Variants in OBSL1 observed in about 807,000 individuals in gnomAD.
OBSL1 encodes the protein obscurin-like protein 1.
Under a neutral mutation model 172.0 loss-of-function variants are expected in OBSL1, and 160 were observed. The ratio of observed to expected loss-of-function variants is 0.93; its 90% CI spans 0.82 to 1.06. The LOEUF (loss-of-function observed/expected upper bound fraction) is 1.06, where lower values mean the gene tolerates loss of function less well. Ranked by LOEUF, OBSL1 falls within the 50% of genes least tolerant of loss-of-function variation. The pLI, the probability that OBSL1 is intolerant of heterozygous loss-of-function variation, is 0.00. For synonymous variants in OBSL1, 1,200 were observed against 1,196.3 expected (o/e 1.00, Z -0.06); for missense variants, 2,681 against 2,715.4 (o/e 0.99, Z 0.28).
chr2:219,557,561 G>A lies in OBSL1; in HGVS notation c.3848C>T (p.Pro1283Leu), dbSNP rs1286799826. 1 of 1,551,616 alleles carries A rather than the reference G, an allele frequency of 6.4e-7. No individual in the cohort carries two copies. The highest frequency in any genetic ancestry group is 8.7e-7 in the Non-Finnish European group (1 of 1,147,672). Residue 1283 changes from proline (P) to leucine (L), a missense_variant, in exon 12 of 21, where the codon CCA becomes CTA. Pro to Leu is a moderately conservative substitution (Grantham distance 98, BLOSUM62 -3). Transcript: ENST00000404537. The part of the protein sequence containing the change: ...EAAQTRVRST[P>L]GGDLELVVHL... The stretch of plus-strand genomic sequence containing the variant: ...CACCACCAGCTCTAGGTCCCCGCCT[G>A]GGGTGCTCCGAACCCTCGTCTGGGC...
rs1282172941 is a variant in OBSL1 at position 219,558,376 on chromosome 2, C to T, written c.3310G>A (p.Glu1104Lys). 4.3e-6 allele frequency: 7 copies of T among 1,610,876 alleles called. No individual in the cohort carries two copies. Among genetic ancestry groups the T allele is most frequent in the Non-Finnish European group, 5.9e-6 (7 of 1,179,122 alleles). The change falls in exon 10 of 21, where the codon GAG becomes AAG. Residue 1104 changes from glutamate to lysine, a missense_variant. Around this residue, in one of 5 missense-constraint regions of OBSL1, gnomAD observed 1,765 missense variants for 1,748.3 expected, o/e 1.01. Transcript: ENST00000404537. ...GAPGRVELRC[E>K]VAPAGSQVRW... is the part of the protein sequence containing the mutation. Reference sequence around the variant, plus strand: ...ACCTGAGACCCAGCTGGGGCCACCTCACAGCGCAGCTCCACGCGCCCTGGA... The same window carrying T: ...ACCTGAGACCCAGCTGGGGCCACCTTACAGCGCAGCTCCACGCGCCCTGGA...
chr2:219,557,435 A>T lies in OBSL1; in HGVS notation c.3974T>A (p.Val1325Glu), dbSNP rs759293822. ...VQLEQAGARQ[V>E]LRVQGARSGD... ...GCTCCGTGCCCCCTGCACCCGCAGCACCTGCCTGGCCCCGGCCTGCTCCAG... is the reference window on the plus strand; with the variant it reads ...GCTCCGTGCCCCCTGCACCCGCAGCTCCTGCCTGGCCCCGGCCTGCTCCAG... Residue 1325 changes from valine to glutamate, a missense_variant, in exon 12 of 21, where the codon GTG becomes GAG. Val to Glu is a moderately radical substitution (Grantham distance 121). Coordinates refer to ENST00000404537, the MANE Select transcript of OBSL1 (RefSeq NM_015311.3). 35 of 1,548,138 alleles carry T rather than the reference A, an allele frequency of 2.3e-5. No individual in the cohort carries two copies. Among genetic ancestry groups the T allele is most frequent in the Non-Finnish European group, 3.0e-5 (34 of 1,146,896 alleles).
Position 219,566,936 on chromosome 2 carries a change from AC to A in OBSL1, c.2027del (p.Gly676ValfsTer43). The A allele has an allele frequency of 6.2e-7, 1 of 1,613,410 alleles. No individual in the cohort carries two copies. The highest frequency in any genetic ancestry group is 8.5e-7 in the Non-Finnish European group (1 of 1,179,758). ...CATGCAGGATGAGTCTGTGCTGCAG[AC>A]CCTTCTGCTCTATACGGTACCGCAG... ...GALRYRIEQK[G>X]LQHRLILHAV... On this transcript the variant is annotated frameshift_variant, in exon 5 of 21. Coordinates refer to ENST00000404537, the MANE Select transcript of OBSL1 (RefSeq NM_015311.3). LOFTEE classifies it high-confidence loss of function.
At chr2:219,560,701 C>T (rs1696398496) in intron 8 of OBSL1, among the ~76,000 whole-genome samples, 1 of 152,242 alleles carries the variant, frequency 6.6e-6, no homozygotes, top group African/African-American at 2.4e-5. Context: ...TCCACGGAGA[C>T]TCCTGCCTTG....
At chr2:219,553,484 T>C in intron 16 of OBSL1, 90 bp downstream of exon 16, 5 of 947,108 alleles carry the variant, frequency 5.3e-6, no homozygotes, top group Non-Finnish European at 8.4e-6. Flanking sequence ...GCCAGGCACA[T>C]CCGCTCAAGG....
chr2:219,554,111 C>T (rs1695832899), intron 15 of OBSL1: 1 of 403,554 alleles, frequency 2.5e-6, no homozygotes, highest in African/African-American at 2.0e-5. Flanking sequence ...GGGGCCCACA[C>T]TTAGGCGGGC....
downstream of OBSL1, chr2:219,549,498 G>A: frequency 1.6e-6 from 2 of 1,266,952 alleles, no homozygotes; most frequent in Non-Finnish European, 2.1e-6. Flanking sequence ...CGGAGCCCAT[G>A]CACCAGGGGC....
Position 219,552,923 on chromosome 2 carries a change from G to C in OBSL1, c.5091C>G (p.Thr1697=). The change falls in exon 17 of 21, where the codon ACC becomes ACG. Residue 1697 remains threonine (T), a synonymous_variant. Transcript: ENST00000404537. Reference sequence around the variant, plus strand: ...GGGCCGTCCCCACCGCGCAGCTGTAGGTCCCGGCGTCCGAGGGGCCGCAGC... The same window carrying C: ...GGGCCGTCCCCACCGCGCAGCTGTACGTCCCGGCGTCCGAGGGGCCGCAGC... ...LRRCGPSDAG[T]YSCAVGTARA... The C allele has an allele frequency of 1.3e-6, 2 of 1,538,134 alleles. No individual in the cohort carries two copies. The highest frequency in any genetic ancestry group is 2.4e-5 in the South Asian group (2 of 83,746).
downstream of OBSL1, chr2:219,549,009 A>G: frequency 1.2e-6 from 1 of 828,988 alleles, no homozygotes; most frequent in Non-Finnish European, 1.9e-6. Context: ...GAGACCAGGA[A>G]AGGAAGTGAC....
rs1025126502 is a variant in OBSL1 at position 219,567,129 on chromosome 2, G to GA, written c.1838-4dup. ...TGCCACCAGGCGAGCTGTGGGCACT[G>GA]AGGCAGGGACAGAGTGCAGCTGTCA... On this transcript the variant is annotated splice_polypyrimidine_tract_variant and splice_region_variant and intron_variant, in intron 4 of 20. Transcript: ENST00000404537. The GA allele has an allele frequency of 1.2e-6, 2 of 1,612,636 alleles. No homozygotes were observed. Among genetic ancestry groups the GA allele is most frequent in the African/African-American group, 2.7e-5 (2 of 74,938 alleles).
chr2:219,549,062 C>T (rs760375457), downstream of OBSL1: 13 of 1,462,694 alleles, frequency 8.9e-6, no homozygotes, highest in Middle Eastern at 5.3e-4. Flanking sequence ...ATCTGGAAGC[C>T]TAGAGCCACA....
Position 219,558,079 on chromosome 2 carries a change from T to G in OBSL1, c.3534A>C (p.Thr1178=). The G allele has an allele frequency of 6.2e-7, 1 of 1,613,748 alleles. No individual in the cohort carries two copies. The change falls in exon 11 of 21, where the codon ACA becomes ACC. Residue 1178 remains threonine (T), a synonymous_variant. Coordinates refer to ENST00000404537, the MANE Select transcript of OBSL1 (RefSeq NM_015311.3). ...GGGCCACACAGAGCGGGCTTGGAGT[T>G]GTCTCTAGAGCAAGGAACTGCACTG... The part of the protein sequence containing the change: ...EPPVQFLALE[T]TPSPLCVAPG...
downstream of OBSL1, chr2:219,549,593 A>G: frequency 6.9e-7 from 1 of 1,451,546 alleles, no homozygotes; most frequent in Non-Finnish European, 9.4e-7. Flanking sequence ...GTGGGGTCTC[A>G]GGGCTGTGGA....
intron 8 of OBSL1, among the ~76,000 whole-genome samples, chr2:219,559,795 A>T (rs1696328676): frequency 6.6e-6 from 1 of 152,166 alleles, no homozygotes; most frequent in Non-Finnish European, 1.5e-5. Flanking sequence ...GGTATAACAC[A>T]TACTACATTC....
chr2:219,549,860 T>C, downstream of OBSL1: 1 of 1,613,496 alleles, frequency 6.2e-7, no homozygotes. Flanking sequence ...TATAGCCATA[T>C]CTGTCTGTCT....
In OBSL1 at chr2:219,566,999, C is replaced by T. The variant is rs1421104425; in HGVS notation, c.1965G>A (p.Lys655=). Residue 655 remains lysine, a synonymous_variant, in exon 5 of 21, where the codon AAG becomes AAA. Transcript: ENST00000404537. The stretch of plus-strand genomic sequence containing the variant: ...CCACCTGGCCCTCCGGCTCGTTACT[C>T]TTGAGCTCTTCCCCATTAAGGAACC... ...GTWFLNGEEL[K]SNEPEGQVEP... The T allele has an allele frequency of 6.2e-7, 1 of 1,613,772 alleles. No homozygotes were observed. Among genetic ancestry groups the T allele is most frequent in the Admixed American group, 1.7e-5 (1 of 60,022 alleles).
intron 4 of OBSL1, 59 bp downstream of exon 4, chr2:219,567,214 G>T: frequency 6.4e-7 from 1 of 1,561,708 alleles, no homozygotes; most frequent in Non-Finnish European, 8.7e-7. Context: ...GAGAGGACCA[G>T]CACTGAGGGC....
chr2:219,568,158 A>G lies in OBSL1; in HGVS notation c.1179T>C (p.Thr393=), dbSNP rs748201080. ...CRKYEQIEEG[T]VRRLIIHRLK... ...GCCTGTGGATGATGAGGCGCCGGAC[A>G]GTGCCCTCTTCGATCTGCTCGTACT... Residue 393 remains threonine (T), a synonymous_variant, in exon 2 of 21, where the codon ACT becomes ACC. Coordinates refer to ENST00000404537, the MANE Select transcript of OBSL1 (RefSeq NM_015311.3). This position sits in a 1 kb window ranked among gnomAD's most constrained non-coding sequence, Gnocchi z 4.1. The G allele has an allele frequency of 9.3e-6, 15 of 1,613,682 alleles. No homozygotes were observed. In the South Asian group the frequency reaches 1.6e-4, roughly 18 times the overall value.
chr2:219,550,028 C>A, downstream of OBSL1: 1 of 884,614 alleles, frequency 1.1e-6, no homozygotes. Flanking sequence ...AGAGGAAAGC[C>A]CCCTCCCAAG....
Sources: allele counts gnomAD v4.1 joint callset (sites outside exome capture counted in the v4.1 genomes callset), GRCh38; gene constraint gnomAD v4.1.1; regional missense constraint gnomAD v4.1.1; non-coding constraint Gnocchi (gnomAD v3.1); transcripts MANE v1.5; gene names NCBI Gene and HGNC (gene_info 2026-07-23, HGNC 2026-07-21).